SEPTIN9: variants seen among roughly 807,000 people sequenced by gnomAD.
SEPTIN9 encodes the protein septin-9.
In SEPTIN9, 13 loss-of-function variants were observed where a neutral mutation model predicts 56.6. The observed-to-expected ratio is 0.23, with a 90% CI of 0.15 to 0.37. The LOEUF is 0.37. Among genes scored for constraint, SEPTIN9 ranks in the 10% least tolerant of loss-of-function variants. The pLI is 1.00. For synonymous variants in SEPTIN9, 332 were observed against 334.1 expected, an observed-to-expected ratio of 0.99 and a Z score of 0.07; for missense variants, 650 against 823.1, an observed-to-expected ratio of 0.79 and a Z score of 2.57.
At chr17:77,472,420 C>G (rs1298396766) in intron 3 of SEPTIN9, 2 of 152,168 alleles carry the variant, frequency 1.3e-5, no homozygotes, top group African/African-American at 2.4e-5. Flanking sequence ...GGCGCCTCGG[C>G]CCCTGAATGA....
chr17:77,405,424 G>A lies in SEPTIN9; in HGVS notation c.721+2721G>A, dbSNP rs888906781. On this transcript the variant is annotated intron_variant, in intron 3 of 11. Transcript: ENST00000427177. This position sits in a 1 kb window ranked among gnomAD's most constrained non-coding sequence, Gnocchi z 5.8. ...CGTTCAGAGCTGCCAGGAACCTGGC[G>A]CTCTGGGGGGACGGTGGCTTTCTCC... 4.6e-5 allele frequency among the ~76,000 whole-genome samples: 7 copies of A among 152,314 alleles called. No individual in the cohort carries two copies. Among genetic ancestry groups the A allele is most frequent in the South Asian group, 4.1e-4 (2 of 4,830 alleles).
chr17:77,414,026 T>A (rs959185416), intron 3 of SEPTIN9, among the ~76,000 whole-genome samples: 5 of 151,532 alleles, frequency 3.3e-5, no homozygotes, highest in African/African-American at 9.8e-5. Flanking sequence ...CATTTTTTTT[T>A]AAACAGCTTT....
At chr17:77,470,575 C>T (rs1290218800) in intron 3 of SEPTIN9, among the ~76,000 whole-genome samples, 1 of 152,190 alleles carries the variant, frequency 6.6e-6, no homozygotes, top group African/African-American at 2.4e-5. Flanking sequence ...CTCATCCACC[C>T]ATCCATCCAG....
chr17:77,307,469 A>G (rs1204617518), intron 2 of SEPTIN9, among the ~76,000 whole-genome samples: 1 of 152,074 alleles, frequency 6.6e-6, no homozygotes, highest in Non-Finnish European at 1.5e-5. Context: ...GGGACAGAGG[A>G]GAGAACAGGA....
chr17:77,363,064 C>T (rs376083466), intron 2 of SEPTIN9, among the ~76,000 whole-genome samples: 4 of 152,186 alleles, frequency 2.6e-5, no homozygotes, highest in Non-Finnish European at 5.9e-5. Context: ...GGCAGGAGAT[C>T]GGCGGCCCCG....
intron 3 of SEPTIN9, among the ~76,000 whole-genome samples, chr17:77,443,637 A>G (rs2037628970): frequency 6.6e-6 from 1 of 151,930 alleles, no homozygotes; most frequent in Non-Finnish European, 1.5e-5. Context: ...TGCTAAAAAT[A>G]CAAAAAAAAA....
At chr17:77,452,413 C>A (rs958352122) in intron 3 of SEPTIN9, among the ~76,000 whole-genome samples, 2 of 152,214 alleles carry the variant, frequency 1.3e-5, no homozygotes, top group Admixed American at 6.5e-5. Flanking sequence ...ACTGACTCAG[C>A]CTCCAGCCTG....
intron 2 of SEPTIN9, among the ~76,000 whole-genome samples, chr17:77,362,297 C>T (rs1339997596): frequency 2.0e-5 from 3 of 152,202 alleles, no homozygotes; most frequent in Non-Finnish European, 4.4e-5. Context: ...ACTCAGACTC[C>T]GTGGTCCCTG....
At chr17:77,454,163 A>C in intron 3 of SEPTIN9, 4 of 985,584 alleles carry the variant, frequency 4.1e-6, no homozygotes, top group Non-Finnish European at 4.8e-6. Flanking sequence ...TCACCTTAAC[A>C]CAGAGCATCG....
At chr17:77,442,030 A>G (rs576623650) in intron 3 of SEPTIN9, 1 of 152,376 alleles carries the variant, frequency 6.6e-6, no homozygotes, top group Admixed American at 6.5e-5. Flanking sequence ...TAATGAGAGA[A>G]AAGACAGATT....
chr17:77,354,257 G>C (rs751810588), intron 2 of SEPTIN9, among the ~76,000 whole-genome samples: 1 of 152,210 alleles, frequency 6.6e-6, no homozygotes, highest in Non-Finnish European at 1.5e-5. Flanking sequence ...CCGTTTTATA[G>C]ATGAGGAAAC....
chr17:77,293,728 C>A (rs1276229085), intron 1 of SEPTIN9, among the ~76,000 whole-genome samples: 2 of 152,174 alleles, frequency 1.3e-5, no homozygotes, highest in African/African-American at 4.8e-5. Context: ...AGTCATATCT[C>A]CAAAGTTCTA....
rs915714929 is a variant in SEPTIN9, at chr17:77,434,666, G to A, written c.721+31963G>A. 1.3e-5 allele frequency among the ~76,000 whole-genome samples: 2 copies of A among 152,140 alleles called. No individual in the cohort carries two copies. Among genetic ancestry groups the A allele is most frequent in the Admixed American group, 6.5e-5 (1 of 15,276 alleles). ...GTCCAAGGCATTTGTGGGCACCCCC[G>A]CCCCAGACGTGAGGGTTGGCATCTT... On this transcript the variant is annotated intron_variant, in intron 3 of 11. Transcript: ENST00000427177. The surrounding 1 kb of genome is among the most constrained non-coding windows in gnomAD (Gnocchi z 5.0).
At chr17:77,385,196 CTG>C (rs72455387) in intron 2 of SEPTIN9, among the ~76,000 whole-genome samples, 36,629 of 139,178 alleles carry the variant, frequency 0.26, 5,056 homozygotes, top group East Asian at 0.5. Flanking sequence ...CAGAGTTTCA[CTG>C]TGTCCCAGGC....
chr17:77,391,844 T>TA (rs2035552160), intron 2 of SEPTIN9, among the ~76,000 whole-genome samples: 1 of 152,170 alleles, frequency 6.6e-6, no homozygotes, highest in African/African-American at 2.4e-5. Flanking sequence ...GCCAGGTTGT[T>TA]AGAGAGCTTT....
chr17:77,305,044 T>G (rs2032205819), intron 1 of SEPTIN9, among the ~76,000 whole-genome samples: 1 of 152,146 alleles, frequency 6.6e-6, no homozygotes, highest in African/African-American at 2.4e-5. Context: ...TTAAGGAGGC[T>G]GTCATTTCTG....
At position 77,429,068 on chromosome 17, in the gene SEPTIN9, A is replaced by G. The variant is rs2037024667; in HGVS notation, c.721+26365A>G. The G allele has an allele frequency of 2.1e-6, 1 of 471,446 alleles. No homozygotes were observed. The highest frequency in any genetic ancestry group is 2.0e-5 in the African/African-American group (1 of 50,134). The allele number at this position is 471,446 out of a possible 1,614,324, so 29.2% of individuals were successfully genotyped here. A position where few individuals can be genotyped will look rare whatever the true frequency, so the allele number is the denominator to read the frequency against. Reference sequence around the variant, plus strand: ...GCCCCCTGCTCCTGGTTGCAGATGTACCTGTTCTTGGCTATTTGTGCCCCA... The same window carrying G: ...GCCCCCTGCTCCTGGTTGCAGATGTGCCTGTTCTTGGCTATTTGTGCCCCA... On this transcript the variant is annotated intron_variant, in intron 3 of 11. Coordinates refer to ENST00000427177, the MANE Select transcript of SEPTIN9 (RefSeq NM_001113491.2). The surrounding 1 kb of genome is among the most constrained non-coding windows in gnomAD (Gnocchi z 5.2).
intron 2 of SEPTIN9, among the ~76,000 whole-genome samples, 184 bp downstream of exon 2, chr17:77,307,381 G>T (rs1028450320): frequency 1.3e-5 from 2 of 152,216 alleles, no homozygotes; most frequent in Non-Finnish European, 2.9e-5. Context: ...CAGGCCTGTC[G>T]ACGCTGCCCT....
At chr17:77,299,447 C>T (rs547292200) in intron 1 of SEPTIN9, among the ~76,000 whole-genome samples, 1 of 152,330 alleles carries the variant, frequency 6.6e-6, no homozygotes, top group East Asian at 1.9e-4. Context: ...CTCATGCCTA[C>T]AATCCCAGTG....
Sources: gnomAD v4.1 joint callset for allele counts (sites outside exome capture counted in the v4.1 genomes callset) on GRCh38, gnomAD v4.1.1 for gene constraint, Gnocchi (gnomAD v3.1) non-coding constraint, MANE v1.5 for transcripts, NCBI Gene and HGNC (gene_info 2026-07-23, HGNC 2026-07-21) for gene names.